Variants in GRIK4 observed in about 807,000 individuals in gnomAD.
GRIK4 encodes glutamate receptor ionotropic, kainate 4.
A neutral mutation model predicts 104.9 loss-of-function variants in GRIK4; 40 were observed. That is an observed-to-expected ratio of 0.38 (90% CI 0.30 to 0.50). The LOEUF (loss-of-function observed/expected upper bound fraction) is 0.50. Among genes scored for constraint, GRIK4 ranks in the 20% least tolerant of loss-of-function variants. GRIK4 has a pLI of 0.93. For synonymous variants in GRIK4, 485 were observed against 524.9 expected (o/e 0.92, Z 1.04); for missense variants, 1,047 against 1,308.1 (o/e 0.80, Z 3.08).
chr11:120,733,036 G>A (rs74521789), intron 3 of GRIK4, among the ~76,000 whole-genome samples: 4 of 150,306 alleles, frequency 2.7e-5, no homozygotes, highest in African/African-American at 9.8e-5. Flanking sequence ...GGGTGCATAT[G>A]TATTTACAAT....
intron 4 of GRIK4, among the ~76,000 whole-genome samples, chr11:120,812,731 A>G (rs1309733590): frequency 6.6e-6 from 1 of 152,232 alleles, no homozygotes; most frequent in African/African-American, 2.4e-5. Flanking sequence ...TGAGTGTGAG[A>G]TGCCAGAGGG....
intron 7 of GRIK4, among the ~76,000 whole-genome samples, chr11:120,836,355 G>T (rs1953574776): frequency 6.6e-6 from 1 of 152,200 alleles, no homozygotes; most frequent in Non-Finnish European, 1.5e-5. Flanking sequence ...GTTATCCCAT[G>T]TAGAATGCTT....
chr11:120,604,772 A>G (rs1948937383), intron 1 of GRIK4, among the ~76,000 whole-genome samples: 1 of 152,222 alleles, frequency 6.6e-6, no homozygotes, highest in African/African-American at 2.4e-5. Context: ...TGTCAGAGTC[A>G]TCCAGAGAGC....
intron 8 of GRIK4, among the ~76,000 whole-genome samples, chr11:120,854,391 C>T (rs1954052786): frequency 6.6e-6 from 1 of 152,168 alleles, no homozygotes; most frequent in Non-Finnish European, 1.5e-5. Context: ...CAAATAGGGC[C>T]AGTTATAACC....
chr11:120,604,764 T>C (rs1948937285), intron 1 of GRIK4, among the ~76,000 whole-genome samples: 1 of 152,194 alleles, frequency 6.6e-6, no homozygotes, highest in African/African-American at 2.4e-5. Context: ...TGCCTCTTTG[T>C]CAGAGTCATC....
At chr11:120,593,172 ACT>A (rs1273472445) in intron 1 of GRIK4, among the ~76,000 whole-genome samples, 3 of 122,312 alleles carry the variant, frequency 2.5e-5, no homozygotes, top group Non-Finnish European at 4.9e-5. Flanking sequence ...ACAGAGCCTG[ACT>A]CTGTCTCAAA....
chr11:120,822,537 A>G (rs966879171), intron 6 of GRIK4, among the ~76,000 whole-genome samples: 4 of 152,250 alleles, frequency 2.6e-5, no homozygotes, highest in Non-Finnish European at 4.4e-5. Context: ...ACGTATGGCT[A>G]TTCAAGTGTA....
At chr11:120,866,987 C>A (rs1347942801) in intron 9 of GRIK4, among the ~76,000 whole-genome samples, 1 of 152,102 alleles carries the variant, frequency 6.6e-6, no homozygotes, top group East Asian at 1.9e-4. Flanking sequence ...CCCTTTTGGA[C>A]AAGTGGGGAA....
At chr11:120,666,180 T>C (rs1949911353) in intron 3 of GRIK4, among the ~76,000 whole-genome samples, 1 of 152,234 alleles carries the variant, frequency 6.6e-6, no homozygotes, top group African/African-American at 2.4e-5. Flanking sequence ...CTTACACACA[T>C]GTTAATTCAC....
chr11:120,569,323 T>C (rs1340382674), intron 1 of GRIK4, among the ~76,000 whole-genome samples: 3 of 152,242 alleles, frequency 2.0e-5, no homozygotes, highest in African/African-American at 4.8e-5. Context: ...TTTAGAAAAT[T>C]ACTATGACCA....
chr11:120,707,700 C>T (rs890292953), intron 3 of GRIK4, among the ~76,000 whole-genome samples: 1 of 152,182 alleles, frequency 6.6e-6, no homozygotes, highest in African/African-American at 2.4e-5. Context: ...GTAGCATCAG[C>T]TGAATGGGCA....
chr11:120,653,726 G>A lies in GRIK4; in HGVS notation c.-117G>A, dbSNP rs894274397. ...GCCTACTATGTGCCAGCCTGTGCTA[G>A]GCACTGAGGACACAGGTGGAAAAGC... On this transcript the variant is annotated 5_prime_UTR_variant, in exon 2 of 21. Transcript: ENST00000527524. 6.6e-6 allele frequency: 1 copy of A among 152,226 alleles called. No individual in the cohort carries two copies. The highest frequency in any genetic ancestry group is 2.4e-5 in the African/African-American group (1 of 41,444). The allele number at this position is 152,226 out of a possible 1,614,324, so 9.4% of individuals were successfully genotyped here.
At chr11:120,745,929 C>A (rs150604578) in intron 3 of GRIK4, among the ~76,000 whole-genome samples, 1 of 152,168 alleles carries the variant, frequency 6.6e-6, no homozygotes, top group African/African-American at 2.4e-5. Flanking sequence ...AGAGCACTGA[C>A]GATGCATTAG....
intron 1 of GRIK4, among the ~76,000 whole-genome samples, chr11:120,583,853 TG>T (rs1476937791): frequency 1.3e-5 from 2 of 152,250 alleles, no homozygotes; most frequent in Non-Finnish European, 2.9e-5. Flanking sequence ...GAACATGGAA[TG>T]TTTTTCCATT....
At chr11:120,929,993 G>A (rs1295283968) in intron 13 of GRIK4, among the ~76,000 whole-genome samples, 1 of 78,786 alleles carries the variant, frequency 1.3e-5, no homozygotes, top group Non-Finnish European at 3.0e-5. Context: ...CTCGAGGGCA[G>A]GCCACGTTTG....
At chr11:120,629,031 G>A (rs1233172304) in intron 1 of GRIK4, among the ~76,000 whole-genome samples, 1 of 152,166 alleles carries the variant, frequency 6.6e-6, no homozygotes, top group East Asian at 1.9e-4. Context: ...GCAGAAGGAG[G>A]CACGCGGCCG....
In GRIK4 at chr11:120,875,306, C is replaced by T. The variant is rs914918079; in HGVS notation, c.1164+63C>T. ...TCTCTGTTCCATTTCATTGATGCCT[C>T]GGTGTTTTGGATGGCCTCCTGCTCC... On this transcript the variant is annotated intron_variant, in intron 11 of 20. Transcript: ENST00000527524. The T allele has an allele frequency of 4.1e-5, 44 of 1,080,574 alleles. No homozygotes were observed. In the Admixed American group the frequency reaches 5.2e-4, roughly 13 times the overall value. The allele number at this position is 1,080,574 out of a possible 1,614,324, so 66.9% of individuals were successfully genotyped here.
At chr11:120,937,894 T>C (rs576468510) in intron 13 of GRIK4, among the ~76,000 whole-genome samples, 257 of 152,354 alleles carry the variant, frequency 1.7e-3, no homozygotes, top group Middle Eastern at 3.4e-3. Flanking sequence ...AGTTTGCCCT[T>C]TGGGAGGAAA....
intron 3 of GRIK4, among the ~76,000 whole-genome samples, chr11:120,693,294 A>G (rs1479194771): frequency 6.9e-6 from 1 of 144,922 alleles, no homozygotes; most frequent in African/African-American, 2.6e-5. Flanking sequence ...TAGTAGAGAT[A>G]GGGTTTCACC....
Sources: allele counts gnomAD v4.1 joint callset (sites outside exome capture counted in the v4.1 genomes callset), GRCh38; gene constraint gnomAD v4.1.1; transcripts MANE v1.5; gene names NCBI Gene and HGNC (gene_info 2026-07-23, HGNC 2026-07-21).